NR0B2: variants seen among roughly 807,000 people sequenced by gnomAD.
NR0B2 encodes the protein nuclear receptor subfamily 0 group B member 2.
NR0B2 carries 17 observed loss-of-function variants against 18.9 expected under a neutral mutation model. The observed-to-expected ratio is 0.90, with a 90% CI of 0.62 to 1.35. The LOEUF (loss-of-function observed/expected upper bound fraction) is 1.35, where lower values mean the gene tolerates loss of function less well. Among genes scored for constraint, NR0B2 ranks in the 40% most tolerant of loss-of-function variants. The pLI is 0.00. For missense variants in NR0B2, 312 were observed against 333.3 expected, an observed-to-expected ratio of 0.94 and a Z score of 0.50; for synonymous variants, 116 against 138.5, an observed-to-expected ratio of 0.84 and a Z score of 1.14.
At position 26,913,692 on chromosome 1, in the gene NR0B2, G is replaced by C; in HGVS notation, c.249C>G (p.Asp83Glu). 1 of 1,611,434 alleles carries C rather than the reference G, an allele frequency of 6.2e-7. No homozygotes were observed. Among genetic ancestry groups the C allele is most frequent in the Non-Finnish European group, 8.5e-7 (1 of 1,178,138 alleles). ...AGCAACCCTGCAGCAGCCGCCGCTGGTCCTGGGGAGGCAGCTGCCAGAAGG... is the reference window on the plus strand; with the variant it reads ...AGCAACCCTGCAGCAGCCGCCGCTGCTCCTGGGGAGGCAGCTGCCAGAAGG... ...LPSFWQLPPQ[D>E]QRRLLQGCWG... The change falls in exon 1 of 2, where the codon GAC (aspartate) becomes GAG (glutamate). Residue 83 changes from aspartate to glutamate, a missense_variant. Transcript: ENST00000254227.
At chr1:26,912,207 A>C (rs2082032348) in intron 1 of NR0B2, 121 bp from the exon 2 acceptor site, 4 of 1,115,944 alleles carry the variant, frequency 3.6e-6, no homozygotes, top group Non-Finnish European at 5.2e-6. Context: ...TCGGCCTTTG[A>C]GGTCCCACTA....
chr1:26,911,591 C>T lies in NR0B2; in HGVS notation c.*254G>A. Reference sequence around the variant, plus strand: ...AAGCAGCCTAAGCTTTCATTCTCATCCCAAGAAGGGACAGGAGTCTTGGCC... The same window carrying T: ...AAGCAGCCTAAGCTTTCATTCTCATTCCAAGAAGGGACAGGAGTCTTGGCC... On this transcript the variant is annotated 3_prime_UTR_variant, in exon 2 of 2. Coordinates refer to ENST00000254227, the MANE Select transcript of NR0B2 (RefSeq NM_021969.3). 1 of 525,642 alleles carries T rather than the reference C, an allele frequency of 1.9e-6. No homozygotes were observed. The highest frequency in any genetic ancestry group is 3.5e-6 in the Non-Finnish European group (1 of 289,222). The allele number at this position is 525,642 out of a possible 1,614,324, so 32.6% of individuals were successfully genotyped here.
At position 26,911,638 on chromosome 1, in the gene NR0B2, A is replaced by G. The variant is rs2082026960; in HGVS notation, c.*207T>C. ...GGCCCAGAGGCTGTGGGGACCACCA[A>G]AAGCCTCCCAGGCAGCTGGAACACT... On this transcript the variant is annotated 3_prime_UTR_variant, in exon 2 of 2. Transcript: ENST00000254227. 1.6e-6 allele frequency: 1 copy of G among 618,350 alleles called. No individual in the cohort carries two copies. Among genetic ancestry groups the G allele is most frequent in the Non-Finnish European group, 2.9e-6 (1 of 344,768 alleles). The allele number at this position is 618,350 out of a possible 1,614,324, so 38.3% of individuals were successfully genotyped here.
At position 26,911,541 on chromosome 1, in the gene NR0B2, A is replaced by ATTC. The variant is rs2082026394; in HGVS notation, c.*303_*304insGAA. On this transcript the variant is annotated 3_prime_UTR_variant, in exon 2 of 2. Transcript: ENST00000254227. ...CAATAACTTAATTCAGTTCTGTATA[A>ATTC]AGTCGATAGGACTTCTGGTCCAATA... is the stretch of plus-strand genomic sequence containing the variant. The ATTC allele has an allele frequency of 2.6e-5, 11 of 420,278 alleles. No individual in the cohort carries two copies. Among genetic ancestry groups the ATTC allele is most frequent in the Non-Finnish European group, 4.9e-5 (11 of 223,128 alleles). 26.0% of individuals were successfully genotyped at this position (420,278 alleles called of 1,614,324 possible). A position where few individuals can be genotyped will look rare whatever the true frequency, so the allele number is the denominator to read the frequency against.
chr1:26,913,969 C>T lies in NR0B2; in HGVS notation c.-29G>A. On this transcript the variant is annotated 5_prime_UTR_variant, in exon 1 of 2. Coordinates refer to ENST00000254227, the MANE Select transcript of NR0B2 (RefSeq NM_021969.3). ...TAGGGATCTGCTCTCACTTCCAGCT[C>T]TCTGGCTCTGTGTTCTGCGCTGTGG... 1.4e-6 allele frequency: 2 copies of T among 1,437,564 alleles called. No individual in the cohort carries two copies. Among genetic ancestry groups the T allele is most frequent in the East Asian group, 2.4e-5 (1 of 42,264 alleles). The allele number at this position is 1,437,564 out of a possible 1,614,324, so 89.1% of individuals were successfully genotyped here. A position where few individuals can be genotyped will look rare whatever the true frequency, so the allele number is the denominator to read the frequency against.
chr1:26,913,549 C>T lies in NR0B2; in HGVS notation c.392G>A (p.Gly131Asp), dbSNP rs761460233. ...GGGTCTGTCTGGCAGTTGGCCACTGCCTCCACTGCTGCTGGGCTCCTCCAG... is the reference window on the plus strand; with the variant it reads ...GGGTCTGTCTGGCAGTTGGCCACTGTCTCCACTGCTGCTGGGCTCCTCCAG... Reference protein sequence around the residue: ...ILLEEPSSSGGSGQLPDRPQP... With the variant: ...ILLEEPSSSGDSGQLPDRPQP... The change falls in exon 1 of 2, where the codon GGC becomes GAC. Residue 131 changes from glycine to aspartate, a missense_variant. Coordinates refer to ENST00000254227, the MANE Select transcript of NR0B2 (RefSeq NM_021969.3). The T allele has an allele frequency of 9.9e-6, 16 of 1,613,950 alleles. No individual in the cohort carries two copies. In the African/African-American group the frequency reaches 1.7e-4, roughly 18 times the overall value.
intron 1 of NR0B2, among the ~76,000 whole-genome samples, chr1:26,912,815 C>T (rs2124069855): frequency 6.6e-6 from 1 of 152,332 alleles, no homozygotes; most frequent in East Asian, 1.9e-4. Flanking sequence ...CCCACCCCAC[C>T]TCCCCACAGC....
intron 1 of NR0B2, among the ~76,000 whole-genome samples, chr1:26,912,558 G>A (rs919215068): frequency 3.9e-5 from 6 of 152,100 alleles, no homozygotes; most frequent in African/African-American, 9.7e-5. Context: ...TAATTACTAC[G>A]ATTTATGCGT....
Position 26,913,498 on chromosome 1 carries a change from C to T in NR0B2, c.443G>A (p.Trp148Ter). ...GAAGGACTCCAGACAGCATTGAAGC[C>T]ACTGCACCGCAGCCAGGGAGGGCTG... The part of the protein sequence containing the change: ...RPQPSLAAVQ[W>*]LQCCLESFWS... The change falls in exon 1 of 2, where the codon TGG becomes TAG. Residue 148 changes from tryptophan (W) to a stop codon, truncating the protein, a stop_gained. Transcript: ENST00000254227. LOFTEE classifies it high-confidence loss of function. 4 of 1,613,624 alleles carry T rather than the reference C, an allele frequency of 2.5e-6. No individual in the cohort carries two copies. Among genetic ancestry groups the T allele is most frequent in the East Asian group, 2.2e-5 (1 of 44,850 alleles).
chr1:26,911,880 C>A lies in NR0B2; in HGVS notation c.739G>T (p.Ala247Ser). The change falls in exon 2 of 2, where the codon GCT becomes TCT. Residue 247 changes from alanine (A) to serine (S), a missense_variant. Physicochemically the swap from Ala to Ser is moderately conservative, Grantham distance 99. Transcript: ENST00000254227. ...FRPIIGDVDI[A>S]GLLGDMLLLR is the part of the protein sequence containing the mutation. ...AAAAGCATGTCCCCAAGAAGGCCAG[C>A]GATGTCAACATCTCCAATGATAGGG... is the stretch of plus-strand genomic sequence containing the variant. 6.2e-7 allele frequency: 1 copy of A among 1,614,166 alleles called. No homozygotes were observed. The highest frequency in any genetic ancestry group is 8.5e-7 in the Non-Finnish European group (1 of 1,180,016).
intron 1 of NR0B2, 147 bp from the exon 2 acceptor site, chr1:26,912,233 G>A (rs1448956872): frequency 4.9e-6 from 4 of 813,334 alleles, no homozygotes; most frequent in Admixed American, 2.8e-5. Context: ...TCCTCCTTTA[G>A]AGGAGGTAAT....
Position 26,911,880 on chromosome 1 carries a change from C to T in NR0B2, c.739G>A (p.Ala247Thr), listed in dbSNP as rs766840093. The change falls in exon 2 of 2, where the codon GCT becomes ACT. Residue 247 changes from alanine to threonine, a missense_variant. Transcript: ENST00000254227. ...FRPIIGDVDI[A>T]GLLGDMLLLR ...AAAAGCATGTCCCCAAGAAGGCCAGCGATGTCAACATCTCCAATGATAGGG... is the reference window on the plus strand; with the variant it reads ...AAAAGCATGTCCCCAAGAAGGCCAGTGATGTCAACATCTCCAATGATAGGG... The T allele has an allele frequency of 1.2e-5, 19 of 1,614,164 alleles. No individual in the cohort carries two copies. Among genetic ancestry groups the T allele is most frequent in the Admixed American group, 1.7e-5 (1 of 60,026 alleles).
chr1:26,912,641 C>T (rs1053289650), intron 1 of NR0B2, among the ~76,000 whole-genome samples: 5 of 152,134 alleles, frequency 3.3e-5, no homozygotes, highest in African/African-American at 9.7e-5. Flanking sequence ...CTCCATCTGC[C>T]GCTCTCCTGG....
chr1:26,913,592 T>G lies in NR0B2; in HGVS notation c.349A>C (p.Ile117Leu), dbSNP rs1306731249. Residue 117 changes from isoleucine to leucine, a missense_variant, in exon 1 of 2, where the codon ATA becomes CTA. Coordinates refer to ENST00000254227, the MANE Select transcript of NR0B2 (RefSeq NM_021969.3). ...TCCTCCAGCAGAATCTTCTTGAGTA[T>G]GCTGGGCACCGGGGCCTCAGCCACC... Reference protein sequence around the residue: ...FEVAEAPVPSILKKILLEEPS... With the variant: ...FEVAEAPVPSLLKKILLEEPS... 6.2e-7 allele frequency: 1 copy of G among 1,614,116 alleles called. No individual in the cohort carries two copies.
At chr1:26,913,374 C>G (rs557708108) in intron 1 of NR0B2, 35 bp downstream of exon 1, 1 of 1,609,190 alleles carries the variant, frequency 6.2e-7, no homozygotes, top group Non-Finnish European at 8.5e-7. Flanking sequence ...CCTGCTTCAG[C>G]CTTGCCCCCC....
rs2082028246 is a variant in NR0B2 at position 26,911,772 on chromosome 1, C to T, written c.*73G>A. The T allele has an allele frequency of 3.7e-6, 6 of 1,600,946 alleles. No homozygotes were observed. Among genetic ancestry groups the T allele is most frequent in the African/African-American group, 2.7e-5 (2 of 74,706 alleles). ...TGCCCCCTCCAGGAGCATTGGGTCA[C>T]CTCTGGGGATGGCCAGGCTGAATCA... On this transcript the variant is annotated 3_prime_UTR_variant, in exon 2 of 2. Transcript: ENST00000254227.
chr1:26,913,786 G>A lies in NR0B2; in HGVS notation c.155C>T (p.Pro52Leu), dbSNP rs373841811. Residue 52 changes from proline to leucine, a missense_variant, in exon 1 of 2, where the codon CCT becomes CTT. Transcript: ENST00000254227. Reference protein sequence around the residue: ...RQHRPVQLCAPHRTCREALDV... With the variant: ...RQHRPVQLCALHRTCREALDV... ...CAAGGCCTCCCGGCAGGTGCGATGA[G>A]GTGCACATAGCTGGACGGGCCGGTG... The A allele has an allele frequency of 3.9e-6, 6 of 1,553,578 alleles. No homozygotes were observed. The African/African-American group carries it at 4.1e-5, about 11-fold the overall frequency.
At position 26,913,645 on chromosome 1, in the gene NR0B2, CCAAGCAGGAAGAGGGGGCCCCAG is replaced by C; in HGVS notation, c.273_295del (p.Cys91TrpfsTer10). 6.2e-7 allele frequency: 1 copy of C among 1,613,788 alleles called. No individual in the cohort carries two copies. Among genetic ancestry groups the C allele is most frequent in the Non-Finnish European group, 8.5e-7 (1 of 1,179,950 alleles). On this transcript the variant is annotated frameshift_variant, in exon 1 of 2. Transcript: ENST00000254227. LOFTEE classifies it high-confidence loss of function. ...AAAGGTCACAGCATCTTGGGCCAACCCAAGCAGGAAGAGGGGGCCCCAGCAACCCTGCAGCAGCCGCCGCTGGT... is the reference window on the plus strand; with the variant it reads ...AAAGGTCACAGCATCTTGGGCCAACCCAACCCTGCAGCAGCCGCCGCTGGT...
At position 26,913,731 on chromosome 1, in the gene NR0B2, G is replaced by A; in HGVS notation, c.210C>T (p.Leu70=). The change falls in exon 1 of 2, where the codon CTC becomes CTT. Residue 70 remains leucine (L), a synonymous_variant. Coordinates refer to ENST00000254227, the MANE Select transcript of NR0B2 (RefSeq NM_021969.3). The part of the protein sequence containing the change: ...LDVLAKTVAF[L]RNLPSFWQLP... ...GCTGCCAGAAGGATGGCAGGTTCCT[G>A]AGGAAGGCCACTGTCTTGGCCAGAA... 1 of 1,605,666 alleles carries A rather than the reference G, an allele frequency of 6.2e-7. No homozygotes were observed. The highest frequency in any genetic ancestry group is 8.5e-7 in the Non-Finnish European group (1 of 1,174,508).
Sources: allele counts gnomAD v4.1 joint callset (sites outside exome capture counted in the v4.1 genomes callset), GRCh38; gene constraint gnomAD v4.1.1; transcripts MANE v1.5; gene names NCBI Gene and HGNC (gene_info 2026-07-23, HGNC 2026-07-21).